Variants in SLC2A10 observed in about 807,000 individuals in gnomAD.
SLC2A10 encodes solute carrier family 2 member 10.
A neutral mutation model predicts 32.1 loss-of-function variants in SLC2A10; 25 were observed. The observed-to-expected ratio is 0.78, with a 90% CI of 0.57 to 1.09. The LOEUF (loss-of-function observed/expected upper bound fraction) is 1.09, where lower values mean the gene tolerates loss of function less well. Ranked by LOEUF, SLC2A10 falls within the 50% of genes least tolerant of loss-of-function variation. The probability of loss-of-function intolerance (pLI) is 0.00; values close to 1 mark genes in which losing one functional copy is unlikely to be tolerated. For missense variants in SLC2A10, 673 were observed against 686.5 expected (o/e 0.98, Z 0.22); for synonymous variants, 332 against 309.6 (o/e 1.07, Z -0.76).
intron 1 of SLC2A10, among the ~76,000 whole-genome samples, chr20:46,710,819 A>C (rs1007033975): frequency 6.6e-6 from 1 of 152,042 alleles, no homozygotes; most frequent in African/African-American, 2.4e-5. Context: ...TGCAAATGCC[A>C]CGGCAAGCTG....
At chr20:46,729,803 C>T (rs374533652) in intron 4 of SLC2A10, among the ~76,000 whole-genome samples, 2 of 151,880 alleles carry the variant, frequency 1.3e-5, no homozygotes, top group East Asian at 1.9e-4. Context: ...CCACCACGCC[C>T]GGCTAATTTT....
intron 4 of SLC2A10, among the ~76,000 whole-genome samples, chr20:46,733,362 AC>A (rs1980396623): frequency 2.0e-5 from 3 of 152,164 alleles, no homozygotes; most frequent in Admixed American, 2.0e-4. Context: ...ATGGTGTTAA[AC>A]CATTCATGAG....
intron 4 of SLC2A10, among the ~76,000 whole-genome samples, chr20:46,729,753 T>C (rs1299665571): frequency 1.3e-5 from 2 of 148,816 alleles, no homozygotes; most frequent in Admixed American, 6.8e-5. Context: ...GCCATTCTCC[T>C]GCCTCAGCCT....
chr20:46,734,048 T>G lies in SLC2A10; in HGVS notation c.*214T>G, dbSNP rs764533992. ...CTCAGGCCCTGAAGGTTCCTGAGGA[T>G]CTAGCTTCATGCCTCAGTTTCCCCA... On this transcript the variant is annotated 3_prime_UTR_variant, in exon 5 of 5. Transcript: ENST00000359271. 25 of 613,988 alleles carry G rather than the reference T, an allele frequency of 4.1e-5. No homozygotes were observed. The highest frequency in any genetic ancestry group is 6.7e-5 in the Non-Finnish European group (23 of 342,130). The allele number at this position is 613,988 out of a possible 1,614,324, so 38.0% of individuals were successfully genotyped here. A position where few individuals can be genotyped will look rare whatever the true frequency, so the allele number is the denominator to read the frequency against.
chr20:46,715,647 G>A (rs1444801175), intron 1 of SLC2A10, among the ~76,000 whole-genome samples: 1 of 152,100 alleles, frequency 6.6e-6, no homozygotes, highest in Non-Finnish European at 1.5e-5. Flanking sequence ...GGTGGAGAAT[G>A]ATTCCTTCAC....
intron 1 of SLC2A10, chr20:46,710,129 G>A (rs1484045998): frequency 4.5e-6 from 2 of 443,724 alleles, no homozygotes; most frequent in Non-Finnish European, 7.9e-6. Flanking sequence ...TTGTGCCCCA[G>A]GCGCTGTTGT....
chr20:46,734,269 G>C lies in SLC2A10; in HGVS notation c.*435G>C. On this transcript the variant is annotated 3_prime_UTR_variant, in exon 5 of 5. Coordinates refer to ENST00000359271, the MANE Select transcript of SLC2A10 (RefSeq NM_030777.4). ...ACTGGCTGGGACATTTTCGGAAGGG[G>C]GAAGTCTCTTTTTTTACTCTTATCA... 1 of 213,122 alleles carries C rather than the reference G, an allele frequency of 4.7e-6. No homozygotes were observed. The highest frequency in any genetic ancestry group is 7.1e-5 in the South Asian group (1 of 14,072). 13.2% of individuals were successfully genotyped at this position (213,122 alleles called of 1,614,324 possible). A position where few individuals can be genotyped will look rare whatever the true frequency, so the allele number is the denominator to read the frequency against.
intron 1 of SLC2A10, among the ~76,000 whole-genome samples, chr20:46,713,215 G>T (rs1979034365): frequency 6.6e-6 from 1 of 152,188 alleles, no homozygotes; most frequent in African/African-American, 2.4e-5. Flanking sequence ...CCTTGAGGCT[G>T]ACTTTCAGGT....
At chr20:46,724,925 AGATGGAGTAGATG>A in intron 1 of SLC2A10, 103 bp from the exon 2 acceptor site, 1 of 1,324,522 alleles carries the variant, frequency 7.5e-7, no homozygotes, top group Non-Finnish European at 1.1e-6. Flanking sequence ...ATGGTTGAAT[AGATGGAGTAGATG>A]GATGGATAAA....
chr20:46,711,636 G>A (rs1978917979), intron 1 of SLC2A10, among the ~76,000 whole-genome samples: 1 of 152,144 alleles, frequency 6.6e-6, no homozygotes, highest in Non-Finnish European at 1.5e-5. Flanking sequence ...GCGAGGGCTG[G>A]GTGTTAGTGC....
At chr20:46,733,436 G>A (rs961998764) in intron 4 of SLC2A10, among the ~76,000 whole-genome samples, 2 of 152,174 alleles carry the variant, frequency 1.3e-5, no homozygotes, top group African/African-American at 4.8e-5. Context: ...AATTACAATT[G>A]AACATGAGAT....
At chr20:46,715,403 G>T (rs1403228047) in intron 1 of SLC2A10, among the ~76,000 whole-genome samples, 3 of 152,132 alleles carry the variant, frequency 2.0e-5, no homozygotes, top group Admixed American at 6.5e-5. Context: ...ACAAATCCTG[G>T]GCTTTCACCT....
chr20:46,728,255 G>T (rs1336921131), intron 3 of SLC2A10, among the ~76,000 whole-genome samples: 2 of 152,184 alleles, frequency 1.3e-5, no homozygotes, highest in Admixed American at 1.3e-4. Context: ...TGCTCTCCCT[G>T]CTGGCGATAG....
chr20:46,718,248 G>C (rs1979364662), intron 1 of SLC2A10, among the ~76,000 whole-genome samples: 1 of 152,142 alleles, frequency 6.6e-6, no homozygotes. Context: ...AATGCTTTGA[G>C]CTTTCTTTTT....
chr20:46,721,116 G>T (rs908828570), intron 1 of SLC2A10, among the ~76,000 whole-genome samples: 2 of 152,172 alleles, frequency 1.3e-5, no homozygotes, highest in Non-Finnish European at 2.9e-5. Context: ...TGTGGAAATT[G>T]CTCAAGGTTT....
chr20:46,711,138 C>T (rs79841164), intron 1 of SLC2A10, among the ~76,000 whole-genome samples: 1,978 of 152,332 alleles, frequency 0.013, 43 homozygotes, highest in African/African-American at 0.045. Flanking sequence ...GGATTACAGG[C>T]GTGAGCCTCC....
intron 1 of SLC2A10, among the ~76,000 whole-genome samples, chr20:46,714,973 C>G (rs1284884166): frequency 6.6e-6 from 1 of 152,206 alleles, no homozygotes; most frequent in Non-Finnish European, 1.5e-5. Flanking sequence ...CTGATTGACT[C>G]TTCTTGCTGG....
chr20:46,710,819 A>G (rs1007033975), intron 1 of SLC2A10, among the ~76,000 whole-genome samples: 1 of 152,042 alleles, frequency 6.6e-6, no homozygotes, highest in South Asian at 2.1e-4. Context: ...TGCAAATGCC[A>G]CGGCAAGCTG....
At chr20:46,726,575 G>T (rs1376756710) in intron 2 of SLC2A10, among the ~76,000 whole-genome samples, 2 of 152,160 alleles carry the variant, frequency 1.3e-5, no homozygotes, top group Non-Finnish European at 2.9e-5. Flanking sequence ...TTAAAGCCCG[G>T]ATAGCTCACA....
Sources: allele counts gnomAD v4.1 joint callset (sites outside exome capture counted in the v4.1 genomes callset), GRCh38; gene constraint gnomAD v4.1.1; transcripts MANE v1.5; gene names NCBI Gene and HGNC (gene_info 2026-07-23, HGNC 2026-07-21).